Variants in KIAA1549L observed in about 807,000 individuals in gnomAD.
KIAA1549L encodes the protein UPF0606 protein KIAA1549L.
Under a neutral mutation model 160.7 loss-of-function variants are expected in KIAA1549L, and 88 were observed. The ratio of observed to expected loss-of-function variants is 0.55; its 90% confidence interval spans 0.46 to 0.65. KIAA1549L has a LOEUF of 0.65. Ranked by LOEUF, KIAA1549L falls within the 30% of genes least tolerant of loss-of-function variation. KIAA1549L has a pLI of 0.00. For missense variants in KIAA1549L, 2,258 were observed against 2,437.5 expected, an observed-to-expected ratio of 0.93 and a Z score of 1.55; for synonymous variants, 950 against 976.7, an observed-to-expected ratio of 0.97 and a Z score of 0.51.
At position 33,543,133 on chromosome 11, in the gene KIAA1549L, C is replaced by T. The variant is rs1854090161; in HGVS notation, c.1570C>T (p.Pro524Ser). 1.2e-6 allele frequency: 2 copies of T among 1,613,848 alleles called. No homozygotes were observed. The highest frequency in any genetic ancestry group is 1.7e-6 in the Non-Finnish European group (2 of 1,179,886). Reference protein sequence around the residue: ...HASPSPVPEMPTLPAEGSDGS... With the variant: ...HASPSPVPEMSTLPAEGSDGS... ...CTCCCCATCTCCTGTGCCAGAAATGCCCACTCTTCCAGCAGAGGGCAGTGA... is the reference window on the plus strand; with the variant it reads ...CTCCCCATCTCCTGTGCCAGAAATGTCCACTCTTCCAGCAGAGGGCAGTGA... Residue 524 changes from proline (P) to serine (S), a missense_variant, in exon 2 of 21, where the codon CCC becomes TCC. By Grantham distance (74) the Pro-to-Ser change is moderately conservative. This residue lies in a region of KIAA1549L where 540 missense variants were observed against 465.7 expected (regional missense o/e 1.16). Transcript: ENST00000658780.
chr11:33,486,673 C>T (rs1852535399), intron 1 of KIAA1549L, among the ~76,000 whole-genome samples: 1 of 152,094 alleles, frequency 6.6e-6, no homozygotes, highest in African/African-American at 2.4e-5. Context: ...TCATGAAGGA[C>T]AAATTATCCT....
intron 7 of KIAA1549L, 99 bp downstream of exon 7, chr11:33,560,010 A>T: frequency 1.9e-6 from 2 of 1,077,504 alleles, no homozygotes; most frequent in Non-Finnish European, 2.8e-6. Flanking sequence ...TACCACCTTT[A>T]TCATAAAGTG....
At chr11:33,654,744 T>C (rs891993203) in intron 17 of KIAA1549L, among the ~76,000 whole-genome samples, 5 of 152,214 alleles carry the variant, frequency 3.3e-5, no homozygotes, top group Admixed American at 2.0e-4. Context: ...CATGGTTTTG[T>C]TTTAGTTTGC....
At chr11:33,423,660 T>G (rs919883235) in intron 1 of KIAA1549L, among the ~76,000 whole-genome samples, 1 of 152,216 alleles carries the variant, frequency 6.6e-6, no homozygotes, top group African/African-American at 2.4e-5. Flanking sequence ...CCAGGTCAGC[T>G]GCAGATAAGA....
intron 14 of KIAA1549L, among the ~76,000 whole-genome samples, chr11:33,607,611 C>T (rs138059154): frequency 6.6e-6 from 1 of 152,316 alleles, no homozygotes; most frequent in African/African-American, 2.4e-5. Flanking sequence ...TTTCTCTGTT[C>T]TTAAGCTGTC....
In KIAA1549L at chr11:33,507,733, G is replaced by C. The variant is rs113767291; in HGVS notation, c.239-34069G>C. ...GTATACAGTACCCCGAACAGAGTAA[G>C]TACTCAACTATTAGTTCCTGTTCTT... On this transcript the variant is annotated intron_variant, in intron 1 of 20. Coordinates refer to ENST00000658780, the MANE Select transcript of KIAA1549L (RefSeq NM_012194.3). Among the ~76,000 whole-genome samples, 717 of 152,286 alleles carry C rather than the reference G, an allele frequency of 4.7e-3. 1 individual carries two copies. The highest frequency in any genetic ancestry group is 7.9e-3 in the Non-Finnish European group (540 of 68,022).
intron 1 of KIAA1549L, among the ~76,000 whole-genome samples, chr11:33,435,064 A>G (rs369511549): frequency 5.8e-4 from 89 of 152,346 alleles, no homozygotes; most frequent in African/African-American, 2.1e-3. Context: ...TATTTCCTAG[A>G]AATGATAAAA....
At chr11:33,436,126 C>A (rs1396042865) in intron 1 of KIAA1549L, among the ~76,000 whole-genome samples, 2 of 151,790 alleles carry the variant, frequency 1.3e-5, no homozygotes, top group Non-Finnish European at 2.9e-5. Context: ...AAATGCTATG[C>A]CACTTTATAT....
intron 17 of KIAA1549L, among the ~76,000 whole-genome samples, chr11:33,653,884 T>G (rs1851968979): frequency 6.7e-6 from 1 of 149,610 alleles, no homozygotes; most frequent in Non-Finnish European, 1.5e-5. Context: ...CACTGAATGT[T>G]TTTATTTTAA....
chr11:33,607,528 T>A (rs950483378), intron 14 of KIAA1549L, among the ~76,000 whole-genome samples: 1 of 152,216 alleles, frequency 6.6e-6, no homozygotes, highest in Admixed American at 6.5e-5. Flanking sequence ...TTTAAGAAGA[T>A]GCATTTGGAC....
intron 7 of KIAA1549L, 94 bp from the exon 8 acceptor site, chr11:33,561,582 C>A: frequency 1.0e-6 from 1 of 1,001,436 alleles, no homozygotes; most frequent in Non-Finnish European, 1.6e-6. Context: ...GCCTGGGCAA[C>A]ATATCAAGAT....
Position 33,543,154 on chromosome 11 carries a change from A to G in KIAA1549L, c.1591A>G (p.Ser531Gly), listed in dbSNP as rs1484422626. Residue 531 changes from serine (S) to glycine (G), a missense_variant, in exon 2 of 21, where the codon AGT becomes GGT. Ser to Gly is a moderately conservative substitution (Grantham distance 56). This residue lies in a region of KIAA1549L where 540 missense variants were observed against 465.7 expected (regional missense o/e 1.16). Coordinates refer to ENST00000658780, the MANE Select transcript of KIAA1549L (RefSeq NM_012194.3). ...PEMPTLPAEG[S>G]DGSPPATRDL... ...AATGCCCACTCTTCCAGCAGAGGGC[A>G]GTGATGGGTCCCCTCCTGCAACTAG... 1.9e-6 allele frequency: 3 copies of G among 1,613,912 alleles called. No individual in the cohort carries two copies. The highest frequency in any genetic ancestry group is 1.7e-5 in the Admixed American group (1 of 60,032).
chr11:33,404,715 A>G (rs1565122737), intron 1 of KIAA1549L, among the ~76,000 whole-genome samples: 1 of 151,998 alleles, frequency 6.6e-6, no homozygotes, highest in Non-Finnish European at 1.5e-5. Flanking sequence ...AAAACAAAAT[A>G]AAAGTTATTT....
At chr11:33,381,352 TG>T (rs1438610384) in intron 1 of KIAA1549L, among the ~76,000 whole-genome samples, 1 of 152,180 alleles carries the variant, frequency 6.6e-6, no homozygotes, top group Non-Finnish European at 1.5e-5. Context: ...GAGGCCTTTC[TG>T]AGGAGATGGC....
chr11:33,430,049 C>CCTTCCTT (rs1565132987), intron 1 of KIAA1549L, among the ~76,000 whole-genome samples: 5 of 69,308 alleles, frequency 7.2e-5, no homozygotes, highest in African/African-American at 1.8e-4. Context: ...CTTCCTTCCT[C>CCTTCCTT]CCTTCCCTCT....
At chr11:33,490,324 C>A (rs979305318) in intron 1 of KIAA1549L, among the ~76,000 whole-genome samples, 1 of 135,616 alleles carries the variant, frequency 7.4e-6, no homozygotes, top group Non-Finnish European at 1.6e-5. Context: ...TACTTTACCT[C>A]TTTTTTTTTT....
intron 1 of KIAA1549L, among the ~76,000 whole-genome samples, chr11:33,446,297 G>A (rs780801279): frequency 1.3e-5 from 2 of 152,096 alleles, no homozygotes; most frequent in Non-Finnish European, 2.9e-5. Context: ...GTTTCACCAT[G>A]TTGGCCAGGC....
intron 16 of KIAA1549L, among the ~76,000 whole-genome samples, chr11:33,644,780 C>T (rs1851672327): frequency 6.6e-6 from 1 of 152,264 alleles, no homozygotes; most frequent in Non-Finnish European, 1.5e-5. Context: ...CCCATATTGC[C>T]TTGGCAGTCC....
chr11:33,403,123 T>C (rs1162805813), intron 1 of KIAA1549L: 1 of 151,008 alleles, frequency 6.6e-6, no homozygotes, highest in Non-Finnish European at 1.5e-5. Context: ...CTAAATTATT[T>C]TGATAATGTA....
Sources: gnomAD v4.1 joint callset for allele counts (sites outside exome capture counted in the v4.1 genomes callset) on GRCh38, gnomAD v4.1.1 for gene constraint, gnomAD v4.1.1 regional missense constraint, MANE v1.5 for transcripts, NCBI Gene and HGNC (gene_info 2026-07-23, HGNC 2026-07-21) for gene names.